Variants in NCK2 observed in about 807,000 individuals in gnomAD.
The protein encoded by NCK2 is NCK adaptor protein 2.
NCK2 carries 16 observed loss-of-function variants against 33.9 expected under a neutral mutation model. That is an observed-to-expected ratio of 0.47 (90% CI 0.32 to 0.72). The LOEUF (loss-of-function observed/expected upper bound fraction) is 0.72. Ranked by LOEUF, NCK2 falls within the 30% of genes least tolerant of loss-of-function variation. The pLI is 0.03. For synonymous variants in NCK2, 273 were observed against 239.9 expected, an observed-to-expected ratio of 1.14 and a Z score of -1.27; for missense variants, 418 against 537.3, an observed-to-expected ratio of 0.78 and a Z score of 2.19.
At chr2:105,891,566 TTTG>T (rs746900978) in intron 4 of NCK2, among the ~76,000 whole-genome samples, 879 of 10,978 alleles carry the variant, frequency 0.08, 104 homozygotes, top group East Asian at 0.15. Context: ...TTTTTTTTTT[TTTG>T]AGATTTTTCG....
intron 1 of NCK2, among the ~76,000 whole-genome samples, chr2:105,815,716 G>A (rs114455235): frequency 0.023 from 3,521 of 152,300 alleles, 61 homozygotes; most frequent in Middle Eastern, 0.051. Flanking sequence ...TTAGCCCAAG[G>A]CTATGGGTCC....
At chr2:105,781,860 T>C (rs1448573090) in intron 1 of NCK2, among the ~76,000 whole-genome samples, 1 of 152,240 alleles carries the variant, frequency 6.6e-6, no homozygotes, top group African/African-American at 2.4e-5. Context: ...CATTAGGCAT[T>C]TGCTGAATGA....
chr2:105,780,709 G>A lies in NCK2; in HGVS notation c.-201+35571G>A, dbSNP rs1022112384. On this transcript the variant is annotated intron_variant, in intron 1 of 4. Transcript: ENST00000233154. ...GGGGCCTTTGGGAGGTGATTAGGTC[G>A]TAAGAGGGGAGCGCTTGCAAATGGG... is the stretch of plus-strand genomic sequence containing the variant. Among the ~76,000 whole-genome samples, 6 of 152,246 alleles carry A rather than the reference G, an allele frequency of 3.9e-5. No individual in the cohort carries two copies. In the East Asian group the frequency reaches 7.7e-4, roughly 20 times the overall value.
At chr2:105,795,875 C>A (rs1202174390) in intron 1 of NCK2, among the ~76,000 whole-genome samples, 1 of 152,190 alleles carries the variant, frequency 6.6e-6, no homozygotes, top group Non-Finnish European at 1.5e-5. Context: ...ACCCTCCCCC[C>A]AGTCTTTTTC....
At chr2:105,821,070 G>A (rs144121024) in intron 2 of NCK2, among the ~76,000 whole-genome samples, 1 of 152,150 alleles carries the variant, frequency 6.6e-6, no homozygotes, top group Non-Finnish European at 1.5e-5. Flanking sequence ...CCATAAAAAC[G>A]CTATCCAGTA....
intron 2 of NCK2, among the ~76,000 whole-genome samples, chr2:105,835,379 A>T (rs1352254157): frequency 4.5e-5 from 3 of 66,864 alleles, no homozygotes; most frequent in African/African-American, 1.6e-4. Flanking sequence ...ATATATACAT[A>T]TATATACACA....
At chr2:105,836,548 G>T (rs563425748) in intron 2 of NCK2, among the ~76,000 whole-genome samples, 39 of 152,202 alleles carry the variant, frequency 2.6e-4, no homozygotes, top group African/African-American at 2.4e-4. Context: ...TGTTGGTGGA[G>T]GTAGTAGCAG....
At chr2:105,767,425 G>A (rs1198537797) in intron 1 of NCK2, among the ~76,000 whole-genome samples, 5 of 152,180 alleles carry the variant, frequency 3.3e-5, no homozygotes, top group Non-Finnish European at 5.9e-5. Flanking sequence ...ACATTCTGGT[G>A]CACTGATGAT....
intron 1 of NCK2, among the ~76,000 whole-genome samples, chr2:105,809,646 G>C (rs1675214931): frequency 6.6e-6 from 1 of 152,168 alleles, no homozygotes; most frequent in East Asian, 1.9e-4. Context: ...TTTGGAGGTA[G>C]GGCAAGGACA....
intron 1 of NCK2, among the ~76,000 whole-genome samples, chr2:105,785,230 G>A (rs758850101): frequency 2.7e-4 from 41 of 152,220 alleles, no homozygotes; most frequent in Non-Finnish European, 1.5e-4. Flanking sequence ...CGCCCATCTC[G>A]GCCTCCCAAA....
chr2:105,824,219 G>A (rs7602971), intron 2 of NCK2, among the ~76,000 whole-genome samples: 95,058 of 151,554 alleles, frequency 0.63, 30,791 homozygotes, highest in African/African-American at 0.79. Context: ...AGAATGCCCC[G>A]TCCGTAAATG....
chr2:105,796,233 G>C (rs961980974), intron 1 of NCK2, among the ~76,000 whole-genome samples: 1 of 152,246 alleles, frequency 6.6e-6, no homozygotes, highest in Non-Finnish European at 1.5e-5. Context: ...ATTTGCAGGC[G>C]TGTGTAAGTA....
intron 3 of NCK2, among the ~76,000 whole-genome samples, chr2:105,857,863 G>A (rs1677345562): frequency 6.6e-6 from 1 of 152,190 alleles, no homozygotes; most frequent in South Asian, 2.1e-4. Context: ...GCATCCAGTG[G>A]AAGAGGAGGC....
At chr2:105,892,905 G>T in intron 4 of NCK2, 77 bp from the exon 5 acceptor site, 1 of 1,210,754 alleles carries the variant, frequency 8.3e-7, no homozygotes, top group African/African-American at 1.5e-5. Context: ...GGATTTAGAC[G>T]CACAAGAGAT....
intron 2 of NCK2, among the ~76,000 whole-genome samples, chr2:105,832,704 A>ATTT (rs67864986): frequency 4.5e-4 from 65 of 144,408 alleles, no homozygotes; most frequent in African/African-American, 1.3e-3. Flanking sequence ...CTTTGCCAGT[A>ATTT]TTTTTTTTTT....
chr2:105,771,336 G>T (rs1269654797), intron 1 of NCK2, among the ~76,000 whole-genome samples: 1 of 151,916 alleles, frequency 6.6e-6, no homozygotes, highest in Non-Finnish European at 1.5e-5. Flanking sequence ...GGAGGCTGAG[G>T]CAGGTGGATC....
intron 2 of NCK2, chr2:105,854,790 G>A (rs1473856696): frequency 5.9e-6 from 2 of 340,264 alleles, no homozygotes; most frequent in Admixed American, 8.6e-5. Context: ...TTTCAAGTTT[G>A]TTTTTGTTAG....
rs1035916529 is a variant in NCK2, at chr2:105,893,900, T to C, written c.*724T>C. The C allele has an allele frequency of 6.6e-6, 1 of 152,602 alleles. No homozygotes were observed. The highest frequency in any genetic ancestry group is 2.4e-5 in the African/African-American group (1 of 41,412). The allele number at this position is 152,602 out of a possible 1,614,324, so 9.5% of individuals were successfully genotyped here. ...TATGTATTTAATTCTCAAAGAAATATGTATCTGTAGCCGTTTGTTGACACT... is the reference window on the plus strand; with the variant it reads ...TATGTATTTAATTCTCAAAGAAATACGTATCTGTAGCCGTTTGTTGACACT... On this transcript the variant is annotated 3_prime_UTR_variant, in exon 5 of 5. Coordinates refer to ENST00000233154, the MANE Select transcript of NCK2 (RefSeq NM_003581.5).
chr2:105,871,100 T>C (rs1677979955), intron 3 of NCK2, among the ~76,000 whole-genome samples: 1 of 151,888 alleles, frequency 6.6e-6, no homozygotes, highest in Admixed American at 6.6e-5. Context: ...GATGAGTGCG[T>C]GTGAAATCGG....
Sources: allele counts gnomAD v4.1 joint callset (sites outside exome capture counted in the v4.1 genomes callset), GRCh38; gene constraint gnomAD v4.1.1; transcripts MANE v1.5; gene names NCBI Gene and HGNC (gene_info 2026-07-23, HGNC 2026-07-21).